The following COL17A1 variants were observed in gnomAD, a reference collection of about 807,000 sequenced individuals.
COL17A1 encodes collagen alpha-1(XVII) chain.
COL17A1 carries 181 observed loss-of-function variants against 218.4 expected under a neutral mutation model. The ratio of observed to expected loss-of-function variants is 0.83; its 90% confidence interval spans 0.73 to 0.94. The LOEUF is 0.94. Ranked by LOEUF, COL17A1 falls within the 40% of genes least tolerant of loss-of-function variation. COL17A1 has a pLI of 0.00. For synonymous variants in COL17A1, 721 were observed against 731.0 expected, an observed-to-expected ratio of 0.99 and a Z score of 0.22; for missense variants, 1,924 against 1,945.9, an observed-to-expected ratio of 0.99 and a Z score of 0.21.
At position 104,053,178 on chromosome 10, in the gene COL17A1, C is replaced by T. The variant is rs556426889; in HGVS notation, c.1835-43G>A. 1.5e-4 allele frequency: 236 copies of T among 1,603,292 alleles called. 2 individuals carry two copies. The South Asian group carries it at 2.4e-3, about 17-fold the overall frequency. Reference sequence around the variant, plus strand: ...CAGCCTCCAAGTCAGGATCCCGTACCCCAGCTAACGGCTCCACAGGCAGCC... The same window carrying T: ...CAGCCTCCAAGTCAGGATCCCGTACTCCAGCTAACGGCTCCACAGGCAGCC... On this transcript the variant is annotated intron_variant, in intron 22 of 55. Coordinates refer to ENST00000648076, the MANE Select transcript of COL17A1 (RefSeq NM_000494.4).
chr10:104,056,872 C>G, intron 17 of COL17A1, 103 bp downstream of exon 17: 8 of 1,541,278 alleles, frequency 5.2e-6, no homozygotes, highest in South Asian at 1.2e-5. Context: ...GTCCCCTCGC[C>G]CCCTAACACG....
intron 9 of COL17A1, among the ~76,000 whole-genome samples, chr10:104,067,240 A>C (rs896421955): frequency 2.6e-5 from 4 of 151,096 alleles, no homozygotes; most frequent in Non-Finnish European, 4.4e-5. Context: ...GGGATTAAAG[A>C]GTCCACTTCA....
chr10:104,058,050 C>T, intron 16 of COL17A1, 96 bp downstream of exon 16: 2 of 1,563,662 alleles, frequency 1.3e-6, no homozygotes, highest in Non-Finnish European at 1.8e-6. Context: ...CTTCTGTGCA[C>T]TGCACTGCTT....
At chr10:104,050,486 T>C (rs767867404) in intron 27 of COL17A1, 135 bp downstream of exon 27, 1 of 1,445,702 alleles carries the variant, frequency 6.9e-7, no homozygotes, top group African/African-American at 1.4e-5. Flanking sequence ...TCAGTTTCCC[T>C]ATCTGAGAGG....
Position 104,031,969 on chromosome 10 carries a change from A to C in COL17A1, c.*266T>G. 1 of 560,990 alleles carries C rather than the reference A, an allele frequency of 1.8e-6. No homozygotes were observed. Among genetic ancestry groups the C allele is most frequent in the Non-Finnish European group, 3.2e-6 (1 of 313,658 alleles). The allele number at this position is 560,990 out of a possible 1,614,324, so 34.8% of individuals were successfully genotyped here. On this transcript the variant is annotated 3_prime_UTR_variant, in exon 56 of 56. Coordinates refer to ENST00000648076, the MANE Select transcript of COL17A1 (RefSeq NM_000494.4). ...TAAGTAAAGAAGCCAAGGAGTTCAGATCTAGATAGCAGAGAAGTAAGTCTC... is the reference window on the plus strand; with the variant it reads ...TAAGTAAAGAAGCCAAGGAGTTCAGCTCTAGATAGCAGAGAAGTAAGTCTC...
intron 33 of COL17A1, among the ~76,000 whole-genome samples, chr10:104,045,040 T>C (rs544798881): frequency 2.0e-5 from 3 of 151,930 alleles, no homozygotes; most frequent in Admixed American, 1.3e-4. Flanking sequence ...CACAGCTCCA[T>C]AGAATGTCAA....
At chr10:104,075,630 T>A (rs1194543293) in intron 5 of COL17A1, among the ~76,000 whole-genome samples, 2 of 152,256 alleles carry the variant, frequency 1.3e-5, no homozygotes, top group Non-Finnish European at 2.9e-5. Flanking sequence ...GGACCTAAAA[T>A]ATGATTGTTT....
rs2274101 is a variant in COL17A1, at chr10:104,052,932, G to C, written c.1939+99C>G. The C allele has an allele frequency of 0.18, 249,241 of 1,401,256 alleles. 23,712 individuals carry two copies. Among genetic ancestry groups the C allele is most frequent in the South Asian group, 0.2 (16,885 of 86,226 alleles). The allele number at this position is 1,401,256 out of a possible 1,614,324, so 86.8% of individuals were successfully genotyped here. On this transcript the variant is annotated intron_variant, in intron 23 of 55. Coordinates refer to ENST00000648076, the MANE Select transcript of COL17A1 (RefSeq NM_000494.4). Reference sequence around the variant, plus strand: ...GTGGGTGCTCAGTAAATGAAGGAAGGGGGGAGAAACAGAGACAGAGTGAAG... The same window carrying C: ...GTGGGTGCTCAGTAAATGAAGGAAGCGGGGAGAAACAGAGACAGAGTGAAG...
At chr10:104,053,897 A>G in intron 22 of COL17A1, 23 bp downstream of exon 22, 2 of 1,407,302 alleles carry the variant, frequency 1.4e-6, no homozygotes, top group Non-Finnish European at 2.0e-6. Flanking sequence ...GAATAAATGA[A>G]TAAAGAAAAA....
chr10:104,076,317 G>C lies in COL17A1; in HGVS notation c.315C>G (p.Thr105=). 6.2e-7 allele frequency: 1 copy of C among 1,614,166 alleles called. No individual in the cohort carries two copies. Among genetic ancestry groups the C allele is most frequent in the Admixed American group, 1.7e-5 (1 of 60,022 alleles). The change falls in exon 5 of 56, where the codon ACC becomes ACG. Residue 105 remains threonine, a synonymous_variant. Coordinates refer to ENST00000648076, the MANE Select transcript of COL17A1 (RefSeq NM_000494.4). ...GACTGATACCTTCATACGCATGGCG[G>C]GTAACGTGAGTTTTCCTTTCAAAGG... The part of the protein sequence containing the change: ...GSTFERKTHV[T]RHAYEGSSSG...
At chr10:104,051,586 G>C in intron 24 of COL17A1, 70 bp from the exon 25 acceptor site, 1 of 1,586,876 alleles carries the variant, frequency 6.3e-7, no homozygotes, top group Non-Finnish European at 8.6e-7. Flanking sequence ...CCCCGGTGCA[G>C]GGCAGGTGGG....
At chr10:104,035,653 G>C in intron 48 of COL17A1, 90 bp from the exon 49 acceptor site, 1 of 1,010,684 alleles carries the variant, frequency 9.9e-7, no homozygotes, top group Non-Finnish European at 1.5e-6. Context: ...GGTTTGGACA[G>C]AAGTGGGGTC....
intron 52 of COL17A1, among the ~76,000 whole-genome samples, chr10:104,033,680 TC>T (rs2086239923): frequency 6.6e-6 from 1 of 152,140 alleles, no homozygotes. Flanking sequence ...GTCATATGAC[TC>T]ATCTGGGACC....
At chr10:104,080,875 C>T (rs2086759104) in intron 1 of COL17A1, among the ~76,000 whole-genome samples, 191 bp from the exon 2 acceptor site, 1 of 152,124 alleles carries the variant, frequency 6.6e-6, no homozygotes, top group Non-Finnish European at 1.5e-5. Flanking sequence ...TTTAATTGTT[C>T]CACTTTGGAT....
chr10:104,036,376 G>A, intron 48 of COL17A1, 116 bp downstream of exon 48: 3 of 1,405,046 alleles, frequency 2.1e-6, no homozygotes, highest in South Asian at 1.2e-5. Context: ...CATTGCTGGG[G>A]TTGGTGCAGT....
intron 52 of COL17A1, 149 bp downstream of exon 52, chr10:104,033,796 A>G (rs2086240968): frequency 1.6e-6 from 2 of 1,239,578 alleles, no homozygotes; most frequent in South Asian, 1.4e-5. Context: ...GAGTAGGCTG[A>G]GAGCTAGGCT....
chr10:104,052,362 C>G, intron 23 of COL17A1, 145 bp from the exon 24 acceptor site: 1 of 985,270 alleles, frequency 1.0e-6, no homozygotes, highest in Non-Finnish European at 1.6e-6. Flanking sequence ...CACTTATCAG[C>G]AAAACTCCTT....
In COL17A1 at chr10:104,035,104, T is replaced by C. The variant is rs138455391; in HGVS notation, c.3619+159A>G. On this transcript the variant is annotated intron_variant, in intron 50 of 55. Transcript: ENST00000648076. ...TCCCCACCTCTGTCCCTGCCACGGC[T>C]GAAGGCCCCTTGCCAGCACATGTGG... 1.8e-3 allele frequency among the ~76,000 whole-genome samples: 278 copies of C among 152,304 alleles called. 1 individual carries two copies. The highest frequency in any genetic ancestry group is 6.3e-3 in the African/African-American group (262 of 41,570).
rs1357837263 is a variant in COL17A1, at chr10:104,031,494, C to T, written c.*741G>A. The stretch of plus-strand genomic sequence containing the variant: ...CAGCATCAGGTTTTCTGTTTTCCCT[C>T]TTCTCCCTTTATTCCTTCCTTGTCC... On this transcript the variant is annotated 3_prime_UTR_variant, in exon 56 of 56. Coordinates refer to ENST00000648076, the MANE Select transcript of COL17A1 (RefSeq NM_000494.4). The T allele has an allele frequency of 6.6e-6, 1 of 152,536 alleles. No individual in the cohort carries two copies. Among genetic ancestry groups the T allele is most frequent in the Non-Finnish European group, 1.5e-5 (1 of 68,056 alleles). 9.4% of individuals were successfully genotyped at this position (152,536 alleles called of 1,614,324 possible).
Sources: gnomAD v4.1 joint callset for allele counts (sites outside exome capture counted in the v4.1 genomes callset) on GRCh38, gnomAD v4.1.1 for gene constraint, MANE v1.5 for transcripts, NCBI Gene and HGNC (gene_info 2026-07-23, HGNC 2026-07-21) for gene names.